NMNAT3: variants seen among roughly 807,000 people sequenced by gnomAD.
The protein encoded by NMNAT3 is nicotinamide/nicotinic acid mononucleotide adenylyltransferase 3.
In NMNAT3, 21 loss-of-function variants were observed where a neutral mutation model predicts 24.8. The observed-to-expected ratio is 0.85, with a 90% CI of 0.60 to 1.22. The LOEUF (loss-of-function observed/expected upper bound fraction) is 1.22. NMNAT3 is among the 50% of genes most tolerant of loss of function. NMNAT3 has a pLI of 0.00. For missense variants in NMNAT3, 387 were observed against 436.6 expected, an observed-to-expected ratio of 0.89 and a Z score of 1.01; for synonymous variants, 136 against 155.2, an observed-to-expected ratio of 0.88 and a Z score of 0.92.
chr3:139,609,745 C>G (rs2055117768), intron 3 of NMNAT3: 1 of 151,968 alleles, frequency 6.6e-6, no homozygotes, highest in Non-Finnish European at 1.5e-5. Flanking sequence ...ATTAATCAGC[C>G]CAGGAGTTTT....
chr3:139,677,434 A>AC (rs1559986112), intron 1 of NMNAT3, among the ~76,000 whole-genome samples: 13 of 152,294 alleles, frequency 8.5e-5, no homozygotes, highest in African/African-American at 3.1e-4. Context: ...TAAAGGTGGG[A>AC]TCCGAACCCA....
chr3:139,671,855 G>C (rs1397794321), intron 1 of NMNAT3, among the ~76,000 whole-genome samples: 1 of 152,114 alleles, frequency 6.6e-6, no homozygotes, highest in Non-Finnish European at 1.5e-5. Flanking sequence ...AATGATCACT[G>C]GCTCACAGAG....
At chr3:139,649,636 C>T (rs756858601) in intron 1 of NMNAT3, among the ~76,000 whole-genome samples, 11 of 152,094 alleles carry the variant, frequency 7.2e-5, no homozygotes, top group South Asian at 2.1e-4. Context: ...AGTTCCTGCA[C>T]GGTTAGCTAT....
intron 1 of NMNAT3, among the ~76,000 whole-genome samples, chr3:139,658,865 C>A (rs2057327789): frequency 7.0e-6 from 1 of 142,722 alleles, no homozygotes; most frequent in Admixed American, 7.3e-5. Flanking sequence ...AACTCCAACC[C>A]CTCTCAACAT....
At chr3:139,669,360 A>G (rs547504293) in intron 1 of NMNAT3, among the ~76,000 whole-genome samples, 4 of 151,764 alleles carry the variant, frequency 2.6e-5, no homozygotes, top group African/African-American at 9.7e-5. Flanking sequence ...CTGTAGTCCC[A>G]GCTACTCCTG....
intron 3 of NMNAT3, among the ~76,000 whole-genome samples, chr3:139,584,706 T>G (rs2053853105): frequency 6.6e-6 from 1 of 152,256 alleles, no homozygotes; most frequent in Admixed American, 6.5e-5. Context: ...TTCAATCTTG[T>G]GAAATGTGTT....
At chr3:139,619,504 T>C (rs994710559) in intron 3 of NMNAT3, among the ~76,000 whole-genome samples, 48 of 152,298 alleles carry the variant, frequency 3.2e-4, no homozygotes, top group Middle Eastern at 3.4e-3. Flanking sequence ...CCAGGAGTAC[T>C]CTCTGAAATC....
At chr3:139,602,758 G>C (rs2108224489) in intron 3 of NMNAT3, among the ~76,000 whole-genome samples, 1 of 152,332 alleles carries the variant, frequency 6.6e-6, no homozygotes, top group Admixed American at 6.5e-5. Context: ...TATAAGTATA[G>C]AATAAAAGGA....
chr3:139,660,543 G>A (rs11707887), intron 1 of NMNAT3, among the ~76,000 whole-genome samples: 37,021 of 152,042 alleles, frequency 0.24, 5,553 homozygotes, highest in East Asian at 0.47. Context: ...CCTGTTATGC[G>A]TTCATATGTT....
intron 5 of NMNAT3, chr3:139,575,732 T>C (rs1221724454): frequency 9.1e-7 from 1 of 1,093,856 alleles, no homozygotes; most frequent in Non-Finnish European, 1.1e-6. Context: ...TGCTTCTTGC[T>C]GCCTGCCTGA....
At chr3:139,634,860 T>C (rs1267966681) in intron 2 of NMNAT3, 2 of 152,218 alleles carry the variant, frequency 1.3e-5, no homozygotes, top group Non-Finnish European at 2.9e-5. Flanking sequence ...CTGGGTTTAT[T>C]GAGTAATAGG....
intron 3 of NMNAT3, chr3:139,583,669 G>A (rs1219066674): frequency 3.6e-6 from 3 of 825,530 alleles, no homozygotes; most frequent in African/African-American, 1.8e-5. Flanking sequence ...GTTTGTGACT[G>A]TTTTGTTTCC....
At chr3:139,599,360 C>A in intron 3 of NMNAT3, 1 of 702,450 alleles carries the variant, frequency 1.4e-6, no homozygotes, top group South Asian at 1.5e-5. Context: ...TGGGCACAAG[C>A]ACAGTCTGGC....
At chr3:139,567,190 G>T (rs1408393872) in intron 6 of NMNAT3, 2 of 152,184 alleles carry the variant, frequency 1.3e-5, no homozygotes, top group Non-Finnish European at 2.9e-5. Context: ...GAATGCTTGT[G>T]ATTTTTGTAC....
chr3:139,644,044 A>G (rs139422843), intron 1 of NMNAT3, among the ~76,000 whole-genome samples: 160 of 152,274 alleles, frequency 1.1e-3, no homozygotes, highest in Non-Finnish European at 1.9e-3. Context: ...ATCACACATA[A>G]ATAGTACCAG....
chr3:139,641,829 A>T (rs558862316), intron 1 of NMNAT3, among the ~76,000 whole-genome samples: 1 of 152,356 alleles, frequency 6.6e-6, no homozygotes, highest in Admixed American at 6.5e-5. Context: ...CTTGCAGCAC[A>T]GCAATTCCCT....
chr3:139,654,591 A>G (rs1187861011), intron 1 of NMNAT3, among the ~76,000 whole-genome samples: 1 of 152,214 alleles, frequency 6.6e-6, no homozygotes, highest in African/African-American at 2.4e-5. Context: ...TCTAGGGCCA[A>G]TTTTGCCTTT....
chr3:139,596,262 T>C (rs1179284691), intron 3 of NMNAT3, among the ~76,000 whole-genome samples: 3 of 152,186 alleles, frequency 2.0e-5, no homozygotes, highest in Admixed American at 2.0e-4. Flanking sequence ...CATTTAGGCC[T>C]ACCATAATTT....
At chr3:139,622,779 TG>T (rs1559921307) in intron 3 of NMNAT3, among the ~76,000 whole-genome samples, 4 of 142,518 alleles carry the variant, frequency 2.8e-5, no homozygotes, top group African/African-American at 7.7e-5. Context: ...ATCATATATA[TG>T]ATATATATAT....
Sources: gnomAD v4.1 joint callset for allele counts (sites outside exome capture counted in the v4.1 genomes callset) on GRCh38, gnomAD v4.1.1 for gene constraint, MANE v1.5 for transcripts, NCBI Gene and HGNC (gene_info 2026-07-23, HGNC 2026-07-21) for gene names.